Variants in RNF150 observed in about 807,000 individuals in gnomAD.
The protein encoded by RNF150 is ring finger protein 150.
In RNF150, 24 loss-of-function variants were observed where a neutral mutation model predicts 39.3. The ratio of observed to expected loss-of-function variants is 0.61; its 90% CI spans 0.44 to 0.86. RNF150 has a LOEUF of 0.86. Among genes scored for constraint, RNF150 ranks in the 40% least tolerant of loss-of-function variants. RNF150 has a pLI of 0.00. For missense variants in RNF150, 502 were observed against 587.8 expected (o/e 0.85, Z 1.51); for synonymous variants, 255 against 227.3 (o/e 1.12, Z -1.10).
chr4:140,983,866 A>C (rs560518378), intron 1 of RNF150, among the ~76,000 whole-genome samples: 33 of 150,912 alleles, frequency 2.2e-4, no homozygotes, highest in African/African-American at 8.0e-4. Flanking sequence ...CAGCCTCTCG[A>C]GTAGCTGGGA....
intron 1 of RNF150, among the ~76,000 whole-genome samples, chr4:141,206,760 A>G (rs1578796985): frequency 6.6e-6 from 1 of 152,184 alleles, no homozygotes; most frequent in South Asian, 2.1e-4. Flanking sequence ...GAACTGGCTC[A>G]CATGATTACA....
At chr4:140,993,219 T>C (rs1194579284) in intron 1 of RNF150, among the ~76,000 whole-genome samples, 1 of 152,230 alleles carries the variant, frequency 6.6e-6, no homozygotes, top group African/African-American at 2.4e-5. Context: ...TTGAGAATTC[T>C]AAGGGAGAAC....
At position 141,112,322 on chromosome 4, in the gene RNF150, C is replaced by T. The variant is rs950586331; in HGVS notation, c.484+20003G>A. On this transcript the variant is annotated intron_variant, in intron 1 of 6. Coordinates refer to ENST00000515673, the MANE Select transcript of RNF150 (RefSeq NM_020724.2). ...AATTGATGCAGTTTCTTCATAATAT[C>T]GATGGTCTTACAATTTGGTATGTTT... Among the ~76,000 whole-genome samples, 33 of 59,464 alleles carry T rather than the reference C, an allele frequency of 5.5e-4. 1 individual carries two copies. Among genetic ancestry groups the T allele is most frequent in the African/African-American group, 1.2e-3 (33 of 26,724 alleles). 39.0% of individuals were successfully genotyped at this position (59,464 alleles called of 152,430 possible).
intron 1 of RNF150, among the ~76,000 whole-genome samples, chr4:141,189,539 A>G (rs1728069419): frequency 6.6e-6 from 1 of 152,042 alleles, no homozygotes. Context: ...GGGAGATGAG[A>G]GTTTTATCTA....
intron 1 of RNF150, among the ~76,000 whole-genome samples, chr4:141,089,602 C>T (rs1738500506): frequency 6.6e-6 from 1 of 152,150 alleles, no homozygotes; most frequent in Non-Finnish European, 1.5e-5. Context: ...CTAATTTTGG[C>T]AGTGTGAAGC....
chr4:141,059,893 C>T (rs1005223157), intron 1 of RNF150, among the ~76,000 whole-genome samples: 3 of 151,952 alleles, frequency 2.0e-5, no homozygotes, highest in Non-Finnish European at 4.4e-5. Context: ...ACAACAGAAC[C>T]TAGTTTATAT....
At chr4:141,142,776 T>C (rs1180351998) in intron 1 of RNF150, among the ~76,000 whole-genome samples, 3 of 152,216 alleles carry the variant, frequency 2.0e-5, no homozygotes, top group African/African-American at 7.2e-5. Flanking sequence ...AATGTTGGGG[T>C]TCCTTCAGGC....
chr4:141,144,586 A>G (rs1394477069), intron 1 of RNF150, among the ~76,000 whole-genome samples: 1 of 147,830 alleles, frequency 6.8e-6, no homozygotes, highest in East Asian at 2.2e-4. Flanking sequence ...TAATGTTTTT[A>G]GGAGCATGAA....
At chr4:140,993,407 A>T (rs1734261536) in intron 1 of RNF150, among the ~76,000 whole-genome samples, 1 of 152,188 alleles carries the variant, frequency 6.6e-6, no homozygotes, top group Non-Finnish European at 1.5e-5. Flanking sequence ...TCATCTCAAG[A>T]TCTCAACTTA....
At chr4:141,023,811 CTTTA>C (rs1735591992) in intron 1 of RNF150, among the ~76,000 whole-genome samples, 1 of 152,142 alleles carries the variant, frequency 6.6e-6, no homozygotes, top group African/African-American at 2.4e-5. Flanking sequence ...TTCCTACCTT[CTTTA>C]TTTGTTTACT....
At chr4:140,997,343 C>G (rs80184720) in intron 1 of RNF150, among the ~76,000 whole-genome samples, 11,539 of 152,138 alleles carry the variant, frequency 0.076, 493 homozygotes, top group Middle Eastern at 0.16. Flanking sequence ...AAGGTATTGG[C>G]TAGGTGCGGT....
intron 1 of RNF150, among the ~76,000 whole-genome samples, chr4:141,078,245 G>A (rs1447922038): frequency 6.6e-6 from 1 of 152,070 alleles, no homozygotes; most frequent in Non-Finnish European, 1.5e-5. Context: ...ATGGTGACAG[G>A]GATGCCCTAG....
chr4:141,146,219 G>T (rs1727198728), intron 1 of RNF150, among the ~76,000 whole-genome samples: 1 of 152,200 alleles, frequency 6.6e-6, no homozygotes, highest in African/African-American at 2.4e-5. Context: ...TAAAATTCAT[G>T]TCACATTGCA....
At chr4:140,884,724 G>C (rs1729499383) in intron 6 of RNF150, among the ~76,000 whole-genome samples, 1 of 152,044 alleles carries the variant, frequency 6.6e-6, no homozygotes, top group Non-Finnish European at 1.5e-5. Context: ...CCTTGTTCCT[G>C]TCTGTGCTTA....
chr4:141,089,736 T>C (rs565709742), intron 1 of RNF150, among the ~76,000 whole-genome samples: 5 of 152,282 alleles, frequency 3.3e-5, no homozygotes, highest in African/African-American at 1.2e-4. Flanking sequence ...ATAATCTAAT[T>C]TGTCTTTCTC....
chr4:141,110,241 G>A lies in RNF150; in HGVS notation c.484+22084C>T, dbSNP rs534296084. 6.6e-5 allele frequency among the ~76,000 whole-genome samples: 10 copies of A among 152,238 alleles called. No homozygotes were observed. In the South Asian group the frequency reaches 2.1e-3, roughly 32 times the overall value. On this transcript the variant is annotated intron_variant, in intron 1 of 6. Transcript: ENST00000515673. ...TACTGGAGACAGCACTTGCTTATGG[G>A]CCCAGAGAAGGCACCAGCAGACCCG...
intron 1 of RNF150, among the ~76,000 whole-genome samples, chr4:141,089,654 C>A (rs902685390): frequency 6.6e-6 from 1 of 152,136 alleles, no homozygotes; most frequent in South Asian, 2.1e-4. Context: ...GAAGAAACTC[C>A]TTGTAATCGT....
At chr4:140,923,240 C>T (rs1014090597) in intron 5 of RNF150, among the ~76,000 whole-genome samples, 6 of 152,202 alleles carry the variant, frequency 3.9e-5, no homozygotes, top group Admixed American at 3.3e-4. Flanking sequence ...GGGCTAATAT[C>T]CAGAATCTAC....
Position 141,059,349 on chromosome 4 carries a change from A to G in RNF150, c.484+72976T>C, listed in dbSNP as rs191817036. On this transcript the variant is annotated intron_variant, in intron 1 of 6. Coordinates refer to ENST00000515673, the MANE Select transcript of RNF150 (RefSeq NM_020724.2). ...GATTTTGGTTTTGCATCATATCCAC[A>G]GTCTAAATAAACTAGGTTAAAAAAA... Among the ~76,000 whole-genome samples, 10 of 152,262 alleles carry G rather than the reference A, an allele frequency of 6.6e-5. No individual in the cohort carries two copies. The East Asian group carries it at 1.9e-3, about 29-fold the overall frequency.
Sources: gnomAD v4.1 joint callset for allele counts (sites outside exome capture counted in the v4.1 genomes callset) on GRCh38, gnomAD v4.1.1 for gene constraint, MANE v1.5 for transcripts, NCBI Gene and HGNC (gene_info 2026-07-23, HGNC 2026-07-21) for gene names.